ZNF407: variants seen among roughly 807,000 people sequenced by gnomAD.
ZNF407 encodes the protein zinc finger protein 407.
A neutral mutation model predicts 131.2 loss-of-function variants in ZNF407; 17 were observed. That is an observed-to-expected ratio of 0.13 (90% CI 0.09 to 0.19). The LOEUF (loss-of-function observed/expected upper bound fraction) is 0.19. ZNF407 is among the 10% of genes least tolerant of loss of function. ZNF407 has a pLI of 1.00. For synonymous variants in ZNF407, 1,156 were observed against 1,062.0 expected (o/e 1.09, Z -1.72); for missense variants, 2,681 against 2,830.6 (o/e 0.95, Z 1.20).
intron 8 of ZNF407, among the ~76,000 whole-genome samples, chr18:74,930,644 T>G (rs1372061148): frequency 2.6e-5 from 4 of 152,224 alleles, no homozygotes; most frequent in African/African-American, 9.6e-5. Context: ...TTTATCATTG[T>G]GGAGGTATTT....
intron 8 of ZNF407, among the ~76,000 whole-genome samples, chr18:74,940,711 G>A (rs959261215): frequency 5.9e-5 from 9 of 152,110 alleles, no homozygotes; most frequent in Non-Finnish European, 1.3e-4. Context: ...TACTTTGCGG[G>A]GCTGTTGTAG....
chr18:74,661,519 G>C (rs994547759), intron 3 of ZNF407, among the ~76,000 whole-genome samples: 1 of 151,434 alleles, frequency 6.6e-6, no homozygotes, highest in African/African-American at 2.4e-5. Flanking sequence ...TGATTTTAAT[G>C]AGAAATATAA....
At position 75,064,138 on chromosome 18, in the gene ZNF407, C is replaced by T. The variant is rs776177121; in HGVS notation, c.6417C>T (p.Asp2139=). ...AGCACATGGATCTGGTGGAGTCCGA[C>T]GGGGAGATCTCGCAGATCATCGTGA... ...QGEHMDLVES[D]GEISQIIVTE... is the part of the protein sequence containing the mutation. Residue 2139 remains aspartate, a synonymous_variant, in exon 9 of 9, where the codon GAC becomes GAT. Coordinates refer to ENST00000299687, the MANE Select transcript of ZNF407 (RefSeq NM_017757.3). 1.8e-5 allele frequency: 29 copies of T among 1,602,042 alleles called. No individual in the cohort carries two copies. The highest frequency in any genetic ancestry group is 2.4e-5 in the Non-Finnish European group (28 of 1,174,530).
Position 74,877,356 on chromosome 18 carries a change from G to A in ZNF407, c.5037G>A (p.Thr1679=), listed in dbSNP as rs759063473. The A allele has an allele frequency of 1.7e-5, 28 of 1,612,636 alleles. No homozygotes were observed. The highest frequency in any genetic ancestry group is 2.2e-5 in the East Asian group (1 of 44,876). The stretch of plus-strand genomic sequence containing the variant: ...CCGCAATGAAAGACCACTACAGGAC[G>A]CACACAGGTGTGCCGCGCCGCCTTC... The part of the protein sequence containing the change: ...TASAMKDHYR[T]HTGEKSFLCD... The change falls in exon 5 of 9, where the codon ACG becomes ACA. Residue 1679 remains threonine, a synonymous_variant. Transcript: ENST00000299687.
chr18:74,811,456 G>A (rs1328322977), intron 4 of ZNF407, among the ~76,000 whole-genome samples: 1 of 152,196 alleles, frequency 6.6e-6, no homozygotes, highest in African/African-American at 2.4e-5. Context: ...CATTGTGGAA[G>A]TCAGTGTGGC....
chr18:75,059,878 C>G (rs1463633063), intron 8 of ZNF407, among the ~76,000 whole-genome samples: 1 of 152,232 alleles, frequency 6.6e-6, no homozygotes, highest in East Asian at 1.9e-4. Context: ...TTCAGCTCAG[C>G]TTTTAAACTC....
intron 3 of ZNF407, among the ~76,000 whole-genome samples, chr18:74,739,124 C>A (rs746742599): frequency 6.6e-6 from 1 of 151,380 alleles, no homozygotes; most frequent in Non-Finnish European, 1.5e-5. Flanking sequence ...CAGAATTTAT[C>A]TCCCTAAAGA....
intron 8 of ZNF407, among the ~76,000 whole-genome samples, chr18:74,968,977 C>T (rs1972440830): frequency 6.6e-6 from 1 of 152,160 alleles, no homozygotes; most frequent in African/African-American, 2.4e-5. Context: ...TTTCTCTCTG[C>T]CCCTCTGTTG....
At chr18:74,697,726 TA>T (rs1271475300) in intron 3 of ZNF407, among the ~76,000 whole-genome samples, 1 of 152,172 alleles carries the variant, frequency 6.6e-6, no homozygotes, top group Non-Finnish European at 1.5e-5. Context: ...AATTAAAACT[TA>T]GATTATTCAA....
At chr18:75,059,230 C>T (rs1336408184) in intron 8 of ZNF407, among the ~76,000 whole-genome samples, 3 of 152,128 alleles carry the variant, frequency 2.0e-5, no homozygotes, top group African/African-American at 7.2e-5. Context: ...TGCAAGGGAT[C>T]CAAAGGATAA....
In ZNF407 at chr18:74,982,659, A is replaced by G. The variant is rs373125616; in HGVS notation, c.5428+61967A>G. Among the ~76,000 whole-genome samples the G allele has an allele frequency of 2.0e-4, 30 of 152,288 alleles. 1 individual carries two copies. In the East Asian group the frequency reaches 5.4e-3, roughly 27 times the overall value. On this transcript the variant is annotated intron_variant, in intron 8 of 8. Transcript: ENST00000299687. ...AGGAACCTCTCGTCACTGTCTTAGG[A>G]GCGTCACCTCTGTTTCCTCTCTTCA... is the stretch of plus-strand genomic sequence containing the variant.
At chr18:74,787,862 CT>C (rs1303885052) in intron 4 of ZNF407, among the ~76,000 whole-genome samples, 2 of 152,314 alleles carry the variant, frequency 1.3e-5, no homozygotes, top group East Asian at 3.9e-4. Context: ...AAGAAGTAAC[CT>C]CATAAAAGTT....
At chr18:74,625,829 T>G (rs1398955258) in intron 1 of ZNF407, among the ~76,000 whole-genome samples, 1 of 152,224 alleles carries the variant, frequency 6.6e-6, no homozygotes, top group Non-Finnish European at 1.5e-5. Flanking sequence ...TACAAGTGCT[T>G]GGAACTGTTC....
At chr18:75,013,420 G>C (rs1428154544) in intron 8 of ZNF407, among the ~76,000 whole-genome samples, 4 of 152,006 alleles carry the variant, frequency 2.6e-5, no homozygotes, top group African/African-American at 9.7e-5. Context: ...TACTTACTTG[G>C]GGCACACCTC....
At chr18:74,757,523 G>C (rs542675505) in intron 3 of ZNF407, among the ~76,000 whole-genome samples, 1 of 151,968 alleles carries the variant, frequency 6.6e-6, no homozygotes, top group Non-Finnish European at 1.5e-5. Context: ...AGTATTTCTT[G>C]TATGATTTCA....
At chr18:75,037,051 T>C (rs1198366773) in intron 8 of ZNF407, among the ~76,000 whole-genome samples, 1 of 152,230 alleles carries the variant, frequency 6.6e-6, no homozygotes, top group Admixed American at 6.5e-5. Context: ...TAAATATTTA[T>C]ACTGTCAAAT....
intron 4 of ZNF407, among the ~76,000 whole-genome samples, chr18:74,806,509 A>G (rs778923995): frequency 6.6e-6 from 1 of 152,210 alleles, no homozygotes; most frequent in South Asian, 2.1e-4. Flanking sequence ...TTTGACTCTC[A>G]GAGCCTTAGT....
chr18:75,063,772 A>G lies in ZNF407; in HGVS notation c.6051A>G (p.Lys2017=). 6.2e-7 allele frequency: 1 copy of G among 1,610,620 alleles called. No homozygotes were observed. Residue 2017 remains lysine (K), a synonymous_variant, in exon 9 of 9, where the codon AAA becomes AAG. Transcript: ENST00000299687. The surrounding 1 kb of genome is among the most constrained non-coding windows in gnomAD (Gnocchi z 6.6). ...GLEEQGRPGA[K]DVLIQLPGQE... ...AGGAGCAAGGCAGGCCCGGCGCCAA[A>G]GACGTGCTGATCCAGCTGCCCGGGC...
chr18:74,805,233 A>G (rs552599338), intron 4 of ZNF407, among the ~76,000 whole-genome samples: 1 of 152,284 alleles, frequency 6.6e-6, no homozygotes, highest in South Asian at 2.1e-4. Context: ...AATGAAAATA[A>G]TCGTCTTTCA....
Sources: gnomAD v4.1 joint callset for allele counts (sites outside exome capture counted in the v4.1 genomes callset) on GRCh38, gnomAD v4.1.1 for gene constraint, Gnocchi (gnomAD v3.1) non-coding constraint, MANE v1.5 for transcripts, NCBI Gene and HGNC (gene_info 2026-07-23, HGNC 2026-07-21) for gene names.